The following GOLGA8M variants were observed in gnomAD, a reference collection of about 807,000 sequenced individuals.
GOLGA8M encodes golgin A8 family member M.
A neutral mutation model predicts 87.7 loss-of-function variants in GOLGA8M; 34 were observed. The ratio of observed to expected loss-of-function variants is 0.39; its 90% confidence interval spans 0.29 to 0.52. The LOEUF is 0.52. GOLGA8M is among the 20% of genes least tolerant of loss of function. The pLI is 0.80. For synonymous variants in GOLGA8M, 138 were observed against 250.2 expected, an observed-to-expected ratio of 0.55 and a Z score of 4.23; for missense variants, 396 against 682.2, an observed-to-expected ratio of 0.58 and a Z score of 4.67.
At chr15:28,708,652 C>T (rs929770986) in intron 4 of GOLGA8M, among the ~76,000 whole-genome samples, 1 of 149,946 alleles carries the variant, frequency 6.7e-6, no homozygotes, top group Non-Finnish European at 1.5e-5. Context: ...GAGAGGACAG[C>T]AACATAAACC....
intron 2 of GOLGA8M, among the ~76,000 whole-genome samples, chr15:28,710,150 T>G (rs1325494265): frequency 6.9e-6 from 1 of 145,478 alleles, no homozygotes; most frequent in Non-Finnish European, 1.5e-5. Flanking sequence ...TAATCTTGGC[T>G]ACTGCAAGCT....
intron 18 of GOLGA8M, 24 bp downstream of exon 18, chr15:28,702,190 A>T (rs1178154586): frequency 1.3e-6 from 2 of 1,589,022 alleles, no homozygotes; most frequent in Non-Finnish European, 1.7e-6. Flanking sequence ...CTGCCTGCCC[A>T]CACCACCTGA....
In GOLGA8M at chr15:28,699,167, T is replaced by G. The variant is rs2079745155; in HGVS notation, c.*2787A>C. Among the ~76,000 whole-genome samples, 1 of 145,532 alleles carries G rather than the reference T, an allele frequency of 6.9e-6. No individual in the cohort carries two copies. The highest frequency in any genetic ancestry group is 2.2e-4 in the South Asian group (1 of 4,646). ...CTAAAATCAGCTTTGGTTTTAGAGC[T>G]GATTTTTTTTTTCATTTCTGGAAAA... On this transcript the variant is annotated 3_prime_UTR_variant, in exon 19 of 19. Coordinates refer to ENST00000563027, the MANE Select transcript of GOLGA8M (RefSeq NM_001282468.3).
At chr15:28,712,651 C>T (rs570680323), upstream of GOLGA8M, among the ~76,000 whole-genome samples, 34 of 151,382 alleles carry the variant, frequency 2.2e-4, no homozygotes, top group East Asian at 3.5e-3. Flanking sequence ...GAAGAGGGGC[C>T]AGCTTTTGCT....
Position 28,707,663 on chromosome 15 carries a change from G to T in GOLGA8M, c.591+85C>A, listed in dbSNP as rs3894973. Reference sequence around the variant, plus strand: ...CCATGCTGCCTTCTGGGCAGGACACGCCATCCTGCAGAAGGGACCTTTAGG... The same window carrying T: ...CCATGCTGCCTTCTGGGCAGGACACTCCATCCTGCAGAAGGGACCTTTAGG... On this transcript the variant is annotated intron_variant, in intron 8 of 18. Transcript: ENST00000563027. The T allele has an allele frequency of 2.0e-4, 255 of 1,255,212 alleles. 2 individuals are homozygous for T. Among genetic ancestry groups the T allele is most frequent in the African/African-American group, 1.9e-3 (126 of 65,478 alleles). The allele number at this position is 1,255,212 out of a possible 1,614,324, so 77.8% of individuals were successfully genotyped here. A position where few individuals can be genotyped will look rare whatever the true frequency, so the allele number is the denominator to read the frequency against.
chr15:28,699,033 C>A lies in GOLGA8M; in HGVS notation c.*2921G>T, dbSNP rs904679503. Among the ~76,000 whole-genome samples the A allele has an allele frequency of 9.4e-5, 14 of 148,930 alleles. No individual in the cohort carries two copies. Among genetic ancestry groups the A allele is most frequent in the African/African-American group, 3.5e-4 (14 of 40,190 alleles). On this transcript the variant is annotated 3_prime_UTR_variant, in exon 19 of 19. Coordinates refer to ENST00000563027, the MANE Select transcript of GOLGA8M (RefSeq NM_001282468.3). The stretch of plus-strand genomic sequence containing the variant: ...TAAAATGTTTTAAATTATTTCAGAA[C>A]ATTAAGATAGCAGTTACATATTTTA...
rs2079817957 is a variant in GOLGA8M, at chr15:28,702,377, G to A, written c.1568-8C>T. ...CAGCTCCAGCAGCTTCACCTGGAGGGAGGGGTGCTCAGCTGCCATGCCGCT... is the reference window on the plus strand; with the variant it reads ...CAGCTCCAGCAGCTTCACCTGGAGGAAGGGGTGCTCAGCTGCCATGCCGCT... On this transcript the variant is annotated splice_polypyrimidine_tract_variant and splice_region_variant and intron_variant, in intron 17 of 18. Coordinates refer to ENST00000563027, the MANE Select transcript of GOLGA8M (RefSeq NM_001282468.3). The A allele has an allele frequency of 1.3e-6, 2 of 1,524,348 alleles. No homozygotes were observed. The highest frequency in any genetic ancestry group is 1.5e-5 in the African/African-American group (1 of 67,868). 94.4% of individuals were successfully genotyped at this position (1,524,348 alleles called of 1,614,324 possible).
At chr15:28,703,737 G>A in intron 14 of GOLGA8M, 105 bp downstream of exon 14, 2 of 1,123,626 alleles carry the variant, frequency 1.8e-6, no homozygotes, top group South Asian at 1.5e-5. Flanking sequence ...TCGGCATAAT[G>A]ACCAGCTGTT....
In GOLGA8M at chr15:28,699,402, C is replaced by T. The variant is rs1315550618; in HGVS notation, c.*2552G>A. On this transcript the variant is annotated 3_prime_UTR_variant, in exon 19 of 19. Transcript: ENST00000563027. ...CAGAATGAGGAAGAGCACAAATACT[C>T]GGCTGAATGAGGTATCGCAAAAGAC... 1.4e-5 allele frequency among the ~76,000 whole-genome samples: 2 copies of T among 147,638 alleles called. No individual in the cohort carries two copies. Among genetic ancestry groups the T allele is most frequent in the East Asian group, 5.0e-4 (2 of 4,012 alleles).
In GOLGA8M at chr15:28,701,346, G is replaced by T. The variant is rs1275937513; in HGVS notation, c.*608C>A. Among the ~76,000 whole-genome samples, 8 of 151,528 alleles carry T rather than the reference G, an allele frequency of 5.3e-5. No individual in the cohort carries two copies. The highest frequency in any genetic ancestry group is 4.6e-4 in the Admixed American group (7 of 15,176). On this transcript the variant is annotated 3_prime_UTR_variant, in exon 19 of 19. Coordinates refer to ENST00000563027, the MANE Select transcript of GOLGA8M (RefSeq NM_001282468.3). Reference sequence around the variant, plus strand: ...TGAGATTTAAAAAGCTCCCCCAAAAGGTTTCACTCCCATCACCAATACACA... The same window carrying T: ...TGAGATTTAAAAAGCTCCCCCAAAATGTTTCACTCCCATCACCAATACACA...
At chr15:28,702,766 T>C in intron 15 of GOLGA8M, 21 bp from the exon 16 acceptor site, 2 of 1,597,492 alleles carry the variant, frequency 1.3e-6, no homozygotes, top group Middle Eastern at 1.9e-4. Flanking sequence ...AATATTGCAG[T>C]CACATCTCGG....
rs1308160548 is a variant in GOLGA8M at position 28,701,645 on chromosome 15, G to A, written c.*309C>T. Among the ~76,000 whole-genome samples, 1 of 151,994 alleles carries A rather than the reference G, an allele frequency of 6.6e-6. No individual in the cohort carries two copies. The highest frequency in any genetic ancestry group is 1.5e-5 in the Non-Finnish European group (1 of 68,034). On this transcript the variant is annotated 3_prime_UTR_variant, in exon 19 of 19. Coordinates refer to ENST00000563027, the MANE Select transcript of GOLGA8M (RefSeq NM_001282468.3). ...ACCAGCGAGAACAGTTTTGGGCAAA[G>A]AGTGGGTCTTTGTGTGTTTGAACTT...
Position 28,702,089 on chromosome 15 carries a change from C to A in GOLGA8M, c.1764G>T (p.Glu588Asp). The A allele has an allele frequency of 1.9e-6, 3 of 1,589,376 alleles. No individual in the cohort carries two copies. Among genetic ancestry groups the A allele is most frequent in the South Asian group, 1.1e-5 (1 of 90,476 alleles). ...TGTCAAGGAGAGGATCCTCCCTGGC[C>A]TCTCCTTGGGCAGAGGAGGTGAGGC... ...EVSLTSSAQG[E>D]AREDPLLDKP... The change falls in exon 19 of 19, where the codon GAG (glutamate) becomes GAT (aspartate). Residue 588 changes from glutamate to aspartate, a missense_variant. Physicochemically the swap from Glu to Asp is conservative, Grantham distance 45. Around this residue, in one of 12 missense-constraint regions of GOLGA8M, gnomAD observed 35 missense variants for 61.4 expected, o/e 0.57. Coordinates refer to ENST00000563027, the MANE Select transcript of GOLGA8M (RefSeq NM_001282468.3).
At chr15:28,708,808 G>A (rs1297922972) in intron 4 of GOLGA8M, among the ~76,000 whole-genome samples, 1 of 151,690 alleles carries the variant, frequency 6.6e-6, no homozygotes, top group Non-Finnish European at 1.5e-5. Context: ...ACAGACAGGA[G>A]CCCTTAGCCC....
chr15:28,702,707 C>G lies in GOLGA8M; in HGVS notation c.1407G>C (p.Leu469=), dbSNP rs2079843693. 6.2e-7 allele frequency: 1 copy of G among 1,603,014 alleles called. No individual in the cohort carries two copies. Among genetic ancestry groups the G allele is most frequent in the Admixed American group, 1.7e-5 (1 of 59,866 alleles). Residue 469 remains leucine (L), a synonymous_variant, in exon 16 of 19, where the codon CTG becomes CTC. Transcript: ENST00000563027. ...GTTCTTGTTTCTTCACAAGCTCACT[C>G]AGGTCTGCCTTCTCCTCCAGGTGGT... ...FMDHLEEKAD[L]SELVKKQELR... is the part of the protein sequence containing the mutation.
intron 11 of GOLGA8M, 110 bp from the exon 12 acceptor site, chr15:28,705,849 A>T: frequency 3.2e-6 from 3 of 942,524 alleles, no homozygotes; most frequent in Non-Finnish European, 4.7e-6. Context: ...ACTGCTAATG[A>T]TTCCTCGCAC....
intron 4 of GOLGA8M, among the ~76,000 whole-genome samples, chr15:28,708,716 A>G (rs1009711457): frequency 1.3e-5 from 2 of 151,978 alleles, no homozygotes; most frequent in African/African-American, 2.4e-5. Context: ...GTGATTTAGA[A>G]AAGTGGGTTC....
At chr15:28,712,831 C>T (rs1253641631), upstream of GOLGA8M, among the ~76,000 whole-genome samples, 4 of 152,220 alleles carry the variant, frequency 2.6e-5, no homozygotes, top group South Asian at 4.1e-4. Context: ...ACAAAAATTA[C>T]CAGTATTATC....
chr15:28,710,120 C>T (rs902335606), intron 2 of GOLGA8M, among the ~76,000 whole-genome samples: 2 of 146,114 alleles, frequency 1.4e-5, no homozygotes, highest in African/African-American at 5.1e-5. Flanking sequence ...GCTCTGTCAC[C>T]AGGCTGGAGT....
Sources: allele counts gnomAD v4.1 joint callset (sites outside exome capture counted in the v4.1 genomes callset), GRCh38; gene constraint gnomAD v4.1.1; regional missense constraint gnomAD v4.1.1; transcripts MANE v1.5; gene names NCBI Gene and HGNC (gene_info 2026-07-23, HGNC 2026-07-21).